SLC8A1: variants seen among roughly 807,000 people sequenced by gnomAD.
SLC8A1 encodes the protein sodium/calcium exchanger 1.
SLC8A1 carries 18 observed loss-of-function variants against 68.3 expected under a neutral mutation model. The observed-to-expected ratio is 0.26, with a 90% CI of 0.18 to 0.39. The LOEUF is 0.39. Among genes scored for constraint, SLC8A1 ranks in the 10% least tolerant of loss-of-function variants. The pLI is 1.00. For synonymous variants in SLC8A1, 475 were observed against 415.5 expected (o/e 1.14, Z -1.74); for missense variants, 985 against 1,156.7 (o/e 0.85, Z 2.15).
chr2:40,317,659 C>T (rs920135458), intron 2 of SLC8A1, among the ~76,000 whole-genome samples: 3 of 151,848 alleles, frequency 2.0e-5, no homozygotes, highest in African/African-American at 4.8e-5. Flanking sequence ...AAGATAAAAG[C>T]TATTTAAAAA....
intron 2 of SLC8A1, among the ~76,000 whole-genome samples, chr2:40,297,297 T>C (rs540112384): frequency 6.6e-6 from 1 of 152,326 alleles, no homozygotes; most frequent in East Asian, 1.9e-4. Flanking sequence ...TTGAAAAAGT[T>C]GTTTTGTAGT....
At chr2:40,116,005 G>A (rs543831239) in intron 7 of SLC8A1, among the ~76,000 whole-genome samples, 4 of 152,232 alleles carry the variant, frequency 2.6e-5, no homozygotes, top group African/African-American at 9.6e-5. Context: ...GGTGCCATGC[G>A]GCTGTGCTGG....
intron 2 of SLC8A1, among the ~76,000 whole-genome samples, chr2:40,310,058 T>C (rs1310784879): frequency 4.6e-5 from 7 of 152,210 alleles, no homozygotes; most frequent in Non-Finnish European, 1.0e-4. Flanking sequence ...AATCATACAA[T>C]ATGTCACCTT....
At chr2:40,364,108 G>T (rs1253152879) in intron 2 of SLC8A1, among the ~76,000 whole-genome samples, 1 of 151,944 alleles carries the variant, frequency 6.6e-6, no homozygotes, top group African/African-American at 2.4e-5. Context: ...GTAAAAATGT[G>T]CAACTGCCTG....
At chr2:40,429,921 T>C (rs1386100091) in exon 2 of SLC8A1, 1 of 1,613,374 alleles carries the variant, frequency 6.2e-7, no homozygotes, top group Admixed American at 1.7e-5. Flanking sequence ...TGGTGGTCTC[T>C]CCATTGGGTT....
chr2:40,116,827 A>G (rs1365492306), intron 7 of SLC8A1: 1 of 152,132 alleles, frequency 6.6e-6, no homozygotes, highest in Admixed American at 6.5e-5. Context: ...TGATAGGAAA[A>G]TCTTGGTCCA....
chr2:40,512,220 T>G (rs927318509), intron 1 of SLC8A1: 2 of 152,176 alleles, frequency 1.3e-5, no homozygotes, highest in South Asian at 2.1e-4. Flanking sequence ...CCAACCTATT[T>G]TTTTGTTTGT....
chr2:40,256,151 C>T (rs1278610577), intron 2 of SLC8A1, among the ~76,000 whole-genome samples: 1 of 152,200 alleles, frequency 6.6e-6, no homozygotes, highest in African/African-American at 2.4e-5. Flanking sequence ...AGACACACGG[C>T]ATTTTTACTT....
At chr2:40,312,718 G>T (rs2073894327) in intron 2 of SLC8A1, among the ~76,000 whole-genome samples, 1 of 152,014 alleles carries the variant, frequency 6.6e-6, no homozygotes, top group Admixed American at 6.6e-5. Flanking sequence ...AATAGAAGCA[G>T]AAGTTCCTAC....
exon 8 of SLC8A1, chr2:40,104,623 C>T (rs1263866809): frequency 6.6e-6 from 1 of 152,104 alleles, no homozygotes; most frequent in Non-Finnish European, 1.5e-5. Flanking sequence ...GTGGACTCTT[C>T]CTGACTAAAT....
At chr2:40,188,526 A>C (rs2051135846) in intron 2 of SLC8A1, among the ~76,000 whole-genome samples, 2 of 152,230 alleles carry the variant, frequency 1.3e-5, no homozygotes, top group African/African-American at 4.8e-5. Context: ...CATTTTAAAC[A>C]TTCCTGGAAG....
chr2:40,239,314 C>T (rs1021015523), intron 2 of SLC8A1, among the ~76,000 whole-genome samples: 4 of 152,154 alleles, frequency 2.6e-5, no homozygotes, highest in African/African-American at 9.7e-5. Flanking sequence ...CATTAGCTGT[C>T]TGAGTGGCAC....
chr2:40,354,559 C>A (rs1235959072), intron 2 of SLC8A1, among the ~76,000 whole-genome samples: 1 of 152,100 alleles, frequency 6.6e-6, no homozygotes, highest in African/African-American at 2.4e-5. Context: ...TTGGCAGAAG[C>A]TGAATGAAGT....
chr2:40,448,691 A>G (rs949476654), intron 1 of SLC8A1, among the ~76,000 whole-genome samples: 7 of 152,166 alleles, frequency 4.6e-5, no homozygotes, highest in Admixed American at 3.9e-4. Context: ...GGAGCAGTAG[A>G]ATTTGGTCAG....
At chr2:40,429,337 C>G in exon 2 of SLC8A1, 1 of 1,613,862 alleles carries the variant, frequency 6.2e-7, no homozygotes, top group Non-Finnish European at 8.5e-7. Flanking sequence ...ATCTTGGTCC[C>G]TCTCATCCAC....
intron 2 of SLC8A1, among the ~76,000 whole-genome samples, chr2:40,200,511 T>C (rs968300277): frequency 2.6e-5 from 4 of 150,954 alleles, no homozygotes; most frequent in Non-Finnish European, 4.4e-5. Context: ...CCAGAATCCA[T>C]ATGGGCTCAG....
intron 2 of SLC8A1, among the ~76,000 whole-genome samples, chr2:40,192,233 C>G (rs1439779087): frequency 6.6e-6 from 1 of 151,904 alleles, no homozygotes; most frequent in Non-Finnish European, 1.5e-5. Context: ...CTAAAGCTTC[C>G]TCAGCTGTAA....
chr2:40,230,943 T>G (rs747298075), intron 2 of SLC8A1, among the ~76,000 whole-genome samples: 1 of 152,208 alleles, frequency 6.6e-6, no homozygotes, highest in Admixed American at 6.5e-5. Context: ...CAAGTCTCTT[T>G]TGTGTGATGC....
intron 2 of SLC8A1, among the ~76,000 whole-genome samples, chr2:40,233,179 C>T (rs1262247834): frequency 6.6e-6 from 1 of 152,162 alleles, no homozygotes; most frequent in East Asian, 1.9e-4. Flanking sequence ...GCCACACTGA[C>T]TTCCACAATG....
Sources: gnomAD v4.1 joint callset for allele counts (sites outside exome capture counted in the v4.1 genomes callset) on GRCh38, gnomAD v4.1.1 for gene constraint, MANE v1.5 for transcripts, NCBI Gene and HGNC (gene_info 2026-07-23, HGNC 2026-07-21) for gene names.